ZCWPW2: variants seen among roughly 807,000 people sequenced by gnomAD.
ZCWPW2 encodes the protein zinc finger CW-type PWWP domain protein 2.
ZCWPW2 carries 45 observed loss-of-function variants against 46.6 expected under a neutral mutation model. The ratio of observed to expected loss-of-function variants is 0.96; its 90% CI spans 0.76 to 1.24. The LOEUF is 1.24. Among genes scored for constraint, ZCWPW2 ranks in the 50% most tolerant of loss-of-function variants. The probability of loss-of-function intolerance (pLI) is 0.00; values close to 1 mark genes in which losing one functional copy is unlikely to be tolerated. For synonymous variants in ZCWPW2, 152 were observed against 137.1 expected, an observed-to-expected ratio of 1.11 and a Z score of -0.76; for missense variants, 429 against 403.9, an observed-to-expected ratio of 1.06 and a Z score of -0.53.
rs151028938 is a variant in ZCWPW2 at position 28,452,353 on chromosome 3, C to T, written c.492+17084C>T. On this transcript the variant is annotated intron_variant, in intron 4 of 9. Coordinates refer to ENST00000383768, the MANE Select transcript of ZCWPW2 (RefSeq NM_001040432.4). ...AGGCTGGAGTGCAGTGGCACAGTCT[C>T]GGCTCACTGCAACCTCTGCTGCCCC... is the stretch of plus-strand genomic sequence containing the variant. Among the ~76,000 whole-genome samples the T allele has an allele frequency of 7.0e-3, 1,060 of 152,272 alleles. 10 individuals are homozygous for T. Among genetic ancestry groups the T allele is most frequent in the African/African-American group, 0.023 (957 of 41,542 alleles).
intron 2 of ZCWPW2, among the ~76,000 whole-genome samples, chr3:28,410,617 A>T (rs1696364419): frequency 6.6e-6 from 1 of 152,042 alleles, no homozygotes; most frequent in South Asian, 2.1e-4. Flanking sequence ...TAAAAGATGA[A>T]TAGAAACCTT....
At chr3:28,357,638 T>G (rs1704787998) in intron 1 of ZCWPW2, among the ~76,000 whole-genome samples, 1 of 151,924 alleles carries the variant, frequency 6.6e-6, no homozygotes, top group African/African-American at 2.4e-5. Flanking sequence ...GACTAGAATT[T>G]ATAGCATTGG....
At chr3:28,497,857 C>T (rs1001668407) in intron 6 of ZCWPW2, among the ~76,000 whole-genome samples, 5 of 152,020 alleles carry the variant, frequency 3.3e-5, no homozygotes, top group Non-Finnish European at 7.4e-5. Flanking sequence ...GTGTAGTACA[C>T]GTGCACCTGC....
chr3:28,409,122 C>CTTTTTTTTTTTTTT (rs11328735), intron 2 of ZCWPW2, among the ~76,000 whole-genome samples: 1 of 82,326 alleles, frequency 1.2e-5, no homozygotes, highest in African/African-American at 5.1e-5. Context: ...TTTTCTTTTT[C>CTTTTTTTTTTTTTT]TTTTTTTTTT....
intron 4 of ZCWPW2, among the ~76,000 whole-genome samples, chr3:28,440,682 C>T (rs1449762537): frequency 6.6e-6 from 1 of 152,172 alleles, no homozygotes; most frequent in Admixed American, 6.5e-5. Flanking sequence ...AGCATGAGCC[C>T]ACTGCCACGC....
Position 28,491,609 on chromosome 3 carries a change from A to C in ZCWPW2, c.611-518A>C, listed in dbSNP as rs144315228. On this transcript the variant is annotated intron_variant, in intron 5 of 9. Coordinates refer to ENST00000383768, the MANE Select transcript of ZCWPW2 (RefSeq NM_001040432.4). ...GGAAAAATTAGAGGCTTGCGATCAG[A>C]TGGTTCTGGCCAAGCTGCATGACCT... Among the ~76,000 whole-genome samples the C allele has an allele frequency of 2.5e-3, 378 of 152,146 alleles. 1 individual carries two copies. Among genetic ancestry groups the C allele is most frequent in the African/African-American group, 8.3e-3 (345 of 41,546 alleles).
At chr3:28,363,534 A>C (rs548202091) in intron 1 of ZCWPW2, among the ~76,000 whole-genome samples, 2 of 152,182 alleles carry the variant, frequency 1.3e-5, no homozygotes, top group East Asian at 3.9e-4. Context: ...GCACAGCCCC[A>C]CTCAGTGTTT....
chr3:28,498,990 T>C (rs1259967259), intron 6 of ZCWPW2, among the ~76,000 whole-genome samples: 27 of 152,194 alleles, frequency 1.8e-4, no homozygotes, highest in Admixed American at 1.8e-3. Flanking sequence ...TCCTTTTTTA[T>C]GGCTGCATAG....
intron 4 of ZCWPW2, among the ~76,000 whole-genome samples, chr3:28,458,165 A>G (rs1057244949): frequency 2.6e-5 from 4 of 152,128 alleles, no homozygotes; most frequent in Non-Finnish European, 5.9e-5. Flanking sequence ...CAAACTCTCT[A>G]GGTTGTCTGT....
At chr3:28,510,496 C>T (rs890423079) in intron 6 of ZCWPW2, among the ~76,000 whole-genome samples, 2 of 152,134 alleles carry the variant, frequency 1.3e-5, no homozygotes, top group African/African-American at 2.4e-5. Context: ...TTTAGATTTA[C>T]ATAATGTTGA....
intron 3 of ZCWPW2, among the ~76,000 whole-genome samples, chr3:28,426,162 C>T (rs997578935): frequency 1.3e-5 from 2 of 151,522 alleles, no homozygotes; most frequent in Admixed American, 6.6e-5. Context: ...TTTGCCTTTG[C>T]GTTTTACCTT....
chr3:28,393,669 A>G (rs1023960537), intron 2 of ZCWPW2, among the ~76,000 whole-genome samples: 3 of 152,162 alleles, frequency 2.0e-5, no homozygotes, highest in East Asian at 1.9e-4. Flanking sequence ...TGCCACATTG[A>G]CAGAATGAGG....
At chr3:28,463,150 A>C (rs1167752922) in intron 4 of ZCWPW2, among the ~76,000 whole-genome samples, 3 of 152,188 alleles carry the variant, frequency 2.0e-5, no homozygotes, top group Non-Finnish European at 4.4e-5. Flanking sequence ...AGTTTACATA[A>C]ATTTTTAGTC....
intron 5 of ZCWPW2, among the ~76,000 whole-genome samples, chr3:28,484,873 G>C (rs2125810163): frequency 6.6e-6 from 1 of 151,968 alleles, no homozygotes; most frequent in East Asian, 1.9e-4. Context: ...TGGTTGTATT[G>C]ATTTTTCTCT....
At chr3:28,440,940 C>T (rs1697729205) in intron 4 of ZCWPW2, among the ~76,000 whole-genome samples, 1 of 152,180 alleles carries the variant, frequency 6.6e-6, no homozygotes, top group African/African-American at 2.4e-5. Flanking sequence ...GGAATGGTGC[C>T]ATATCGAAGA....
At chr3:28,441,566 T>C (rs1697759996) in intron 4 of ZCWPW2, among the ~76,000 whole-genome samples, 1 of 152,156 alleles carries the variant, frequency 6.6e-6, no homozygotes, top group Non-Finnish European at 1.5e-5. Flanking sequence ...TTCTGTCAAC[T>C]GATCATAGGG....
rs182991547 is a variant in ZCWPW2 at position 28,512,386 on chromosome 3, T to C, written c.658-1678T>C. 3.5e-4 allele frequency among the ~76,000 whole-genome samples: 54 copies of C among 152,168 alleles called. 1 individual carries two copies. The East Asian group carries it at 8.5e-3, about 24-fold the overall frequency. On this transcript the variant is annotated intron_variant, in intron 6 of 9. Transcript: ENST00000383768. ...TTTTAGTAGAGACAGCGTTTTGCCA[T>C]GTTGAGCAGGCTAGTCTCAAATTCC...
chr3:28,361,228 CTG>C (rs1704928126), intron 1 of ZCWPW2, among the ~76,000 whole-genome samples: 1 of 152,132 alleles, frequency 6.6e-6, no homozygotes, highest in Non-Finnish European at 1.5e-5. Context: ...AGCCTACACA[CTG>C]TGGTAAAATT....
At chr3:28,491,158 C>T (rs1699799263) in intron 5 of ZCWPW2, among the ~76,000 whole-genome samples, 2 of 152,002 alleles carry the variant, frequency 1.3e-5, no homozygotes, top group Non-Finnish European at 2.9e-5. Flanking sequence ...AGAGGAATAT[C>T]TGTAGTAGCA....
Sources: allele counts gnomAD v4.1 joint callset (sites outside exome capture counted in the v4.1 genomes callset), GRCh38; gene constraint gnomAD v4.1.1; transcripts MANE v1.5; gene names NCBI Gene and HGNC (gene_info 2026-07-23, HGNC 2026-07-21).